NKAIN2: variants seen among roughly 807,000 people sequenced by gnomAD.
The protein encoded by NKAIN2 is sodium/potassium-transporting ATPase subunit beta-1-interacting protein 2.
Under a neutral mutation model 32.6 loss-of-function variants are expected in NKAIN2, and 14 were observed. That is an observed-to-expected ratio of 0.43 (90% CI 0.28 to 0.67). The LOEUF (loss-of-function observed/expected upper bound fraction) is 0.67, where lower values mean the gene tolerates loss of function less well. Ranked by LOEUF, NKAIN2 falls within the 30% of genes least tolerant of loss-of-function variation. NKAIN2 has a pLI of 0.17. For synonymous variants in NKAIN2, 80 were observed against 87.2 expected (o/e 0.92, Z 0.46); for missense variants, 198 against 258.3 (o/e 0.77, Z 1.60).
chr6:124,626,103 C>G (rs1386925344), intron 3 of NKAIN2, among the ~76,000 whole-genome samples: 1 of 122,782 alleles, frequency 8.1e-6, no homozygotes, highest in Non-Finnish European at 1.6e-5. Flanking sequence ...CTCCCCACAC[C>G]CCACAACAGT....
intron 1 of NKAIN2, among the ~76,000 whole-genome samples, chr6:124,136,683 G>C (rs1786807604): frequency 6.6e-6 from 1 of 152,116 alleles, no homozygotes; most frequent in Admixed American, 6.5e-5. Flanking sequence ...TTATACCAGG[G>C]ATGCAGGGAC....
chr6:124,350,722 G>T (rs1326180670), intron 2 of NKAIN2, among the ~76,000 whole-genome samples: 1 of 152,150 alleles, frequency 6.6e-6, no homozygotes, highest in Non-Finnish European at 1.5e-5. Flanking sequence ...GGATATGAAA[G>T]GAACATTTGC....
intron 3 of NKAIN2, among the ~76,000 whole-genome samples, chr6:124,597,354 T>G (rs1166038058): frequency 6.6e-6 from 1 of 151,598 alleles, no homozygotes; most frequent in African/African-American, 2.4e-5. Context: ...TGGGACACAC[T>G]TATACTAAAA....
chr6:124,228,661 C>G (rs1792250542), intron 1 of NKAIN2, among the ~76,000 whole-genome samples: 1 of 152,098 alleles, frequency 6.6e-6, no homozygotes, highest in African/African-American at 2.4e-5. Context: ...TGGCTGCAGT[C>G]TATGCTGAGG....
intron 3 of NKAIN2, among the ~76,000 whole-genome samples, chr6:124,370,411 T>C (rs1799705483): frequency 6.6e-6 from 1 of 152,074 alleles, no homozygotes. Flanking sequence ...AAGAGGAGGA[T>C]GACTCACTAA....
At chr6:123,834,053 A>G (rs1369171418) in intron 1 of NKAIN2, among the ~76,000 whole-genome samples, 1 of 151,698 alleles carries the variant, frequency 6.6e-6, no homozygotes, top group Non-Finnish European at 1.5e-5. Flanking sequence ...ATGAAATTCC[A>G]CTTGTTCATA....
At chr6:124,725,981 A>C (rs1056386269) in intron 4 of NKAIN2, among the ~76,000 whole-genome samples, 2 of 152,220 alleles carry the variant, frequency 1.3e-5, no homozygotes, top group Non-Finnish European at 2.9e-5. Context: ...CTCCCACCCG[A>C]ATACTGCGCT....
At chr6:124,334,830 A>T (rs977709504) in intron 2 of NKAIN2, among the ~76,000 whole-genome samples, 1 of 152,212 alleles carries the variant, frequency 6.6e-6, no homozygotes, top group Non-Finnish European at 1.5e-5. Flanking sequence ...GGCTATTGTC[A>T]TCTTTATTTC....
chr6:124,220,303 T>C (rs1160361734), intron 1 of NKAIN2, among the ~76,000 whole-genome samples: 3 of 152,164 alleles, frequency 2.0e-5, no homozygotes, highest in African/African-American at 7.2e-5. Flanking sequence ...TGATTGTTCA[T>C]TTCCTGAAGC....
At chr6:123,997,825 G>C (rs1455817279) in intron 1 of NKAIN2, among the ~76,000 whole-genome samples, 1 of 151,854 alleles carries the variant, frequency 6.6e-6, no homozygotes, top group Non-Finnish European at 1.5e-5. Context: ...GGATGGTCTC[G>C]ATCTTCTGAC....
chr6:124,742,684 C>G (rs920836644), intron 4 of NKAIN2, among the ~76,000 whole-genome samples: 23 of 151,802 alleles, frequency 1.5e-4, no homozygotes, highest in African/African-American at 5.3e-4. Flanking sequence ...TCCTCTGTCA[C>G]AAACATATTG....
chr6:124,506,892 G>A (rs951550), intron 3 of NKAIN2, among the ~76,000 whole-genome samples: 40,393 of 152,074 alleles, frequency 0.27, 6,109 homozygotes, highest in Middle Eastern at 0.38. Flanking sequence ...CATTGTCTGT[G>A]TAGATATCAC....
intron 3 of NKAIN2, among the ~76,000 whole-genome samples, chr6:124,551,271 G>A (rs1482242722): frequency 1.3e-5 from 2 of 152,188 alleles, no homozygotes; most frequent in Admixed American, 6.5e-5. Context: ...ATATAATTGA[G>A]TTTGGTTTAT....
chr6:124,709,938 G>A (rs1457977544), intron 4 of NKAIN2, among the ~76,000 whole-genome samples: 2 of 151,812 alleles, frequency 1.3e-5, no homozygotes, highest in Admixed American at 6.6e-5. Flanking sequence ...GTCAATTTTG[G>A]ATCTTTCCTG....
At chr6:124,144,264 A>T (rs1009627354) in intron 1 of NKAIN2, among the ~76,000 whole-genome samples, 1 of 152,212 alleles carries the variant, frequency 6.6e-6, no homozygotes, top group African/African-American at 2.4e-5. Flanking sequence ...ATATGAGGGT[A>T]CTTACTGTGT....
In NKAIN2 at chr6:123,909,925, A is replaced by G. The variant is rs536868238; in HGVS notation, c.54+105671A>G. On this transcript the variant is annotated intron_variant, in intron 1 of 6. Coordinates refer to ENST00000368417, the MANE Select transcript of NKAIN2 (RefSeq NM_001040214.3). ...TTAAAAAATGAGTAACTCTACTACAATGAAATGGGTGATTATTAAATCTAG... is the reference window on the plus strand; with the variant it reads ...TTAAAAAATGAGTAACTCTACTACAGTGAAATGGGTGATTATTAAATCTAG... 4.6e-5 allele frequency among the ~76,000 whole-genome samples: 7 copies of G among 152,284 alleles called. No individual in the cohort carries two copies. The South Asian group carries it at 1.2e-3, about 27-fold the overall frequency.
At chr6:124,152,699 G>GAT (rs1187647593) in intron 1 of NKAIN2, among the ~76,000 whole-genome samples, 1 of 151,960 alleles carries the variant, frequency 6.6e-6, no homozygotes, top group African/African-American at 2.4e-5. Flanking sequence ...ATATTGAAGA[G>GAT]ATCACTGCAC....
At chr6:124,084,255 C>T (rs189012132) in intron 1 of NKAIN2, among the ~76,000 whole-genome samples, 5 of 152,040 alleles carry the variant, frequency 3.3e-5, no homozygotes, top group Non-Finnish European at 5.9e-5. Context: ...TACCACATAA[C>T]GATTTTTCGG....
At chr6:124,396,428 TA>T (rs529161089) in intron 3 of NKAIN2, among the ~76,000 whole-genome samples, 1,854 of 129,414 alleles carry the variant, frequency 0.014, 12 homozygotes, top group Middle Eastern at 0.023. Context: ...GCTATTTGAT[TA>T]AAAAAAAAAA....
Sources: allele counts gnomAD v4.1 joint callset (sites outside exome capture counted in the v4.1 genomes callset), GRCh38; gene constraint gnomAD v4.1.1; transcripts MANE v1.5; gene names NCBI Gene and HGNC (gene_info 2026-07-23, HGNC 2026-07-21).